Variants in EPHB3 observed in about 807,000 individuals in gnomAD.
EPHB3 encodes the protein EPH receptor B3, also known as ephrin type-B receptor 3.
EPHB3 carries 33 observed loss-of-function variants against 100.2 expected under a neutral mutation model. The observed-to-expected ratio is 0.33, with a 90% CI of 0.25 to 0.44. The LOEUF is 0.44. Ranked by LOEUF, EPHB3 falls within the 20% of genes least tolerant of loss-of-function variation. The pLI, the probability that EPHB3 is intolerant of heterozygous loss-of-function variation, is 1.00. For synonymous variants in EPHB3, 526 were observed against 554.7 expected (o/e 0.95, Z 0.73); for missense variants, 1,045 against 1,378.3 (o/e 0.76, Z 3.83).
rs1039269017 is a variant in EPHB3, at chr3:184,569,600, A to G, written c.119-1718A>G. Among the ~76,000 whole-genome samples the G allele has an allele frequency of 5.9e-5, 9 of 152,006 alleles. No individual in the cohort carries two copies. The highest frequency in any genetic ancestry group is 1.3e-4 in the Non-Finnish European group (9 of 67,984). The stretch of plus-strand genomic sequence containing the variant: ...GCCAGAGGCCAGGATCGCTCCCCTT[A>G]CAGCCGGGCCCTCAGGGGACCAGGG... On this transcript the variant is annotated intron_variant, in intron 1 of 15. Transcript: ENST00000330394. This position sits in a 1 kb window ranked among gnomAD's most constrained non-coding sequence, Gnocchi z 5.4.
Position 184,577,943 on chromosome 3 carries a change from G to A in EPHB3, c.1685G>A (p.Gly562Asp). 1 of 1,614,016 alleles carries A rather than the reference G, an allele frequency of 6.2e-7. No homozygotes were observed. Residue 562 changes from glycine to aspartate, a missense_variant, in exon 8 of 16, where the codon GGC (glycine) becomes GAC (aspartate). Gly to Asp is a moderately conservative substitution (Grantham distance 94). Coordinates refer to ENST00000330394, the MANE Select transcript of EPHB3 (RefSeq NM_004443.4). This position sits in a 1 kb window ranked among gnomAD's most constrained non-coding sequence, Gnocchi z 4.9. ...CAGGAGCAGCTTCCCCTCATCGTGG[G>A]CTCCGCTACAGCTGGGCTTGTCTTC... ...QLQEQLPLIV[G>D]SATAGLVFVV...
Position 184,580,873 on chromosome 3 carries a change from C to T in EPHB3, c.2533C>T (p.Gln845Ter), listed in dbSNP as rs1328272606. 2 of 1,613,598 alleles carry T rather than the reference C, an allele frequency of 1.2e-6. No individual in the cohort carries two copies. The highest frequency in any genetic ancestry group is 1.7e-6 in the Non-Finnish European group (2 of 1,179,670). ...GERPYWDMSN[Q>*]DVINAVEQDY... ...GCGACCCTACTGGGACATGAGCAAC[C>T]AGGATGTGAGTGAGGCTACGCCAGA... The change falls in exon 13 of 16, where the codon CAG becomes TAG. Residue 845 changes from glutamine (Q) to a stop codon, truncating the protein, a stop_gained. Coordinates refer to ENST00000330394, the MANE Select transcript of EPHB3 (RefSeq NM_004443.4). LOFTEE classifies it high-confidence loss of function.
At position 184,577,764 on chromosome 3, in the gene EPHB3, C is replaced by T; in HGVS notation, c.1586C>T (p.Ala529Val). The change falls in exon 7 of 16, where the codon GCT becomes GTT. Residue 529 changes from alanine (A) to valine (V), a missense_variant. Around this residue, in one of 2 missense-constraint regions of EPHB3, gnomAD observed 985 missense variants for 1,331.1 expected, o/e 0.74. Coordinates refer to ENST00000330394, the MANE Select transcript of EPHB3 (RefSeq NM_004443.4). This position sits in a 1 kb window ranked among gnomAD's most constrained non-coding sequence, Gnocchi z 4.9. ...GTCCAGGTCCGTGCCCGCACAGTAG[C>T]TGGCTATGGGCAGTACAGCCGCCCT... ...YVVQVRARTV[A>V]GYGQYSRPAE... 6.2e-7 allele frequency: 1 copy of T among 1,611,384 alleles called. No homozygotes were observed. Among genetic ancestry groups the T allele is most frequent in the Middle Eastern group, 1.7e-4 (1 of 6,050 alleles).
Position 184,573,995 on chromosome 3 carries a change from G to A in EPHB3, c.856+819G>A, listed in dbSNP as rs1006948281. ...CTCCCAAAGCGTTGGGATTACAGGT[G>A]TAAGCCACCACTCCTGGCCCTGGGC... On this transcript the variant is annotated intron_variant, in intron 3 of 15. Transcript: ENST00000330394. This position sits in a 1 kb window ranked among gnomAD's most constrained non-coding sequence, Gnocchi z 4.5. Among the ~76,000 whole-genome samples the A allele has an allele frequency of 1.2e-4, 18 of 152,242 alleles. No homozygotes were observed. Among genetic ancestry groups the A allele is most frequent in the African/African-American group, 3.4e-4 (14 of 41,550 alleles).
Position 184,580,823 on chromosome 3 carries a change from T to C in EPHB3, c.2483T>C (p.Met828Thr), listed in dbSNP as rs771505755. 1.2e-6 allele frequency: 2 copies of C among 1,614,178 alleles called. No homozygotes were observed. Among genetic ancestry groups the C allele is most frequent in the South Asian group, 2.2e-5 (2 of 91,086 alleles). ...ASDVWSYGIV[M>T]WEVMSYGERP... The stretch of plus-strand genomic sequence containing the variant: ...GATGTCTGGAGCTACGGAATTGTCA[T>C]GTGGGAGGTCATGAGCTATGGAGAG... Residue 828 changes from methionine to threonine, a missense_variant, in exon 13 of 16, where the codon ATG becomes ACG. Physicochemically the swap from Met to Thr is moderately conservative, Grantham distance 81. Transcript: ENST00000330394.
rs755126237 is a variant in EPHB3, at chr3:184,573,216, G to A, written c.856+40G>A. The A allele has an allele frequency of 2.5e-6, 4 of 1,603,140 alleles. No individual in the cohort carries two copies. The highest frequency in any genetic ancestry group is 2.2e-5 in the South Asian group (2 of 91,006). On this transcript the variant is annotated intron_variant, in intron 3 of 15. Coordinates refer to ENST00000330394, the MANE Select transcript of EPHB3 (RefSeq NM_004443.4). The surrounding 1 kb of genome is among the most constrained non-coding windows in gnomAD (Gnocchi z 4.5). ...TCCTGGGGAAAGGGTTGTCGGGAGG[G>A]CCTGGGCCACAGCTACCTACCGCCC...
intron 4 of EPHB3, 135 bp downstream of exon 4, chr3:184,576,120 C>T (rs777345071): frequency 2.2e-5 from 28 of 1,252,000 alleles, no homozygotes; most frequent in South Asian, 6.7e-5. Context: ...TTAGATGTTG[C>T]GCTCAACATG....
Position 184,562,423 on chromosome 3 carries a change from G to C in EPHB3, c.118+70G>C. ...TCGCGGGGCTGCGGGCTAGCAGCGTGGGTCCGACCCGGATTGAGCGCACGT... is the reference window on the plus strand; with the variant it reads ...TCGCGGGGCTGCGGGCTAGCAGCGTCGGTCCGACCCGGATTGAGCGCACGT... On this transcript the variant is annotated intron_variant, in intron 1 of 15. Coordinates refer to ENST00000330394, the MANE Select transcript of EPHB3 (RefSeq NM_004443.4). This position sits in a 1 kb window ranked among gnomAD's most constrained non-coding sequence, Gnocchi z 4.8. The C allele has an allele frequency of 8.7e-7, 1 of 1,154,980 alleles. No individual in the cohort carries two copies. The highest frequency in any genetic ancestry group is 4.1e-5 in the South Asian group (1 of 24,274). The allele number at this position is 1,154,980 out of a possible 1,614,324, so 71.5% of individuals were successfully genotyped here.
rs1231900031 is a variant in EPHB3, at chr3:184,572,222, G to A, written c.184-282G>A. 1.3e-5 allele frequency among the ~76,000 whole-genome samples: 2 copies of A among 152,186 alleles called. No individual in the cohort carries two copies. Among genetic ancestry groups the A allele is most frequent in the African/African-American group, 4.8e-5 (2 of 41,444 alleles). ...TCCTGCAGTACTTACCAAGTTCCTAGTCCTGTCCTAAATGCTTTATTCAGT... is the reference window on the plus strand; with the variant it reads ...TCCTGCAGTACTTACCAAGTTCCTAATCCTGTCCTAAATGCTTTATTCAGT... On this transcript the variant is annotated intron_variant, in intron 2 of 15. Coordinates refer to ENST00000330394, the MANE Select transcript of EPHB3 (RefSeq NM_004443.4). This position sits in a 1 kb window ranked among gnomAD's most constrained non-coding sequence, Gnocchi z 6.6.
In EPHB3 at chr3:184,579,042, G is replaced by A. The variant is rs985179032; in HGVS notation, c.1802-435G>A. Among the ~76,000 whole-genome samples, 3 of 152,162 alleles carry A rather than the reference G, an allele frequency of 2.0e-5. No individual in the cohort carries two copies. Among genetic ancestry groups the A allele is most frequent in the African/African-American group, 7.2e-5 (3 of 41,446 alleles). On this transcript the variant is annotated intron_variant, in intron 9 of 15. Coordinates refer to ENST00000330394, the MANE Select transcript of EPHB3 (RefSeq NM_004443.4). This position sits in a 1 kb window ranked among gnomAD's most constrained non-coding sequence, Gnocchi z 5.2. ...CCTGAAAGGCAGGCAGAGGAGTCTGGACTTGACTCCACCATAGGTAATTGG... is the reference window on the plus strand; with the variant it reads ...CCTGAAAGGCAGGCAGAGGAGTCTGAACTTGACTCCACCATAGGTAATTGG...
Position 184,571,261 on chromosome 3 carries a change from C to T in EPHB3, c.119-57C>T. The T allele has an allele frequency of 6.3e-7, 1 of 1,591,966 alleles. No homozygotes were observed. The highest frequency in any genetic ancestry group is 1.1e-5 in the South Asian group (1 of 90,548). On this transcript the variant is annotated intron_variant, in intron 1 of 15. Transcript: ENST00000330394. This position sits in a 1 kb window ranked among gnomAD's most constrained non-coding sequence, Gnocchi z 5.0. ...GAGCCACTTCGCTCATCTGTGATCT[C>T]TTCTGTCTCCTCAACCTGAGATTAG... is the stretch of plus-strand genomic sequence containing the variant.
Position 184,573,237 on chromosome 3 carries a change from C to A in EPHB3, c.856+61C>A. The A allele has an allele frequency of 6.3e-7, 1 of 1,588,966 alleles. No individual in the cohort carries two copies. Among genetic ancestry groups the A allele is most frequent in the South Asian group, 1.1e-5 (1 of 90,214 alleles). ...GAGGGCCTGGGCCACAGCTACCTAC[C>A]GCCCCGCCCCCCACCCCTGCTTGCT... On this transcript the variant is annotated intron_variant, in intron 3 of 15. Transcript: ENST00000330394. The surrounding 1 kb of genome is among the most constrained non-coding windows in gnomAD (Gnocchi z 4.5).
chr3:184,578,271 ACTG>A lies in EPHB3; in HGVS notation c.1749-139_1749-137del, dbSNP rs1353754755. 4.0e-6 allele frequency: 5 copies of A among 1,234,900 alleles called. No individual in the cohort carries two copies. The highest frequency in any genetic ancestry group is 5.7e-6 in the Non-Finnish European group (5 of 871,380). 76.5% of individuals were successfully genotyped at this position (1,234,900 alleles called of 1,614,324 possible). A position where few individuals can be genotyped will look rare whatever the true frequency, so the allele number is the denominator to read the frequency against. On this transcript the variant is annotated intron_variant, in intron 8 of 15. Coordinates refer to ENST00000330394, the MANE Select transcript of EPHB3 (RefSeq NM_004443.4). This position sits in a 1 kb window ranked among gnomAD's most constrained non-coding sequence, Gnocchi z 4.7. ...GAACCCCTTGCTCAGACACCCAGAGACTGCTGTGACCACCAATTGTGGGACTAG... is the reference window on the plus strand; with the variant it reads ...GAACCCCTTGCTCAGACACCCAGAGACTGTGACCACCAATTGTGGGACTAG...
In EPHB3 at chr3:184,580,605, C is replaced by T. The variant is rs762619206; in HGVS notation, c.2376C>T (p.Tyr792=). ...FLEDDPSDPT[Y]TSSLGGKIPI... The stretch of plus-strand genomic sequence containing the variant: ...AGGATGACCCCTCCGATCCTACCTA[C>T]ACCAGTTCCCTGGTACAGGAAGCCG... The change falls in exon 12 of 16, where the codon TAC becomes TAT. Residue 792 remains tyrosine, a synonymous_variant. Transcript: ENST00000330394. The T allele has an allele frequency of 5.6e-6, 9 of 1,613,670 alleles. No individual in the cohort carries two copies. The highest frequency in any genetic ancestry group is 1.7e-4 in the Middle Eastern group (1 of 6,060).
In EPHB3 at chr3:184,561,863, C is replaced by T. The variant is rs1353339654; in HGVS notation, c.-373C>T. ...GGCGCGCGCCCCCGAAGCCCCGGAT[C>T]CCAGTCGGGCCCGCAGCTGACCGCC... On this transcript the variant is annotated 5_prime_UTR_variant, in exon 1 of 16. Transcript: ENST00000330394. 8.5e-5 allele frequency: 13 copies of T among 152,982 alleles called. 1 individual carries two copies. In the Admixed American group the frequency reaches 8.5e-4, roughly 10 times the overall value. The allele number at this position is 152,982 out of a possible 1,614,324, so 9.5% of individuals were successfully genotyped here. A position where few individuals can be genotyped will look rare whatever the true frequency, so the allele number is the denominator to read the frequency against.
intron 1 of EPHB3, among the ~76,000 whole-genome samples, chr3:184,570,603 C>A (rs571316676): frequency 6.6e-6 from 1 of 152,354 alleles, no homozygotes; most frequent in East Asian, 1.9e-4. Context: ...CTCCCCTTCC[C>A]CTGGGCCTTG....
rs1205555683 is a variant in EPHB3, at chr3:184,569,021, G to A, written c.119-2297G>A. Among the ~76,000 whole-genome samples the A allele has an allele frequency of 6.6e-6, 1 of 151,964 alleles. No individual in the cohort carries two copies. The highest frequency in any genetic ancestry group is 2.0e-4 in the East Asian group (1 of 5,118). On this transcript the variant is annotated intron_variant, in intron 1 of 15. Transcript: ENST00000330394. The surrounding 1 kb of genome is among the most constrained non-coding windows in gnomAD (Gnocchi z 5.4). The stretch of plus-strand genomic sequence containing the variant: ...GCTCCCTCCTCCCGGAGCCAGCGCA[G>A]GGCTTGTTTTAAACTGTGGAGGAAT...
At position 184,565,693 on chromosome 3, in the gene EPHB3, G is replaced by T. The variant is rs1714366621; in HGVS notation, c.118+3340G>T. 1.3e-5 allele frequency among the ~76,000 whole-genome samples: 2 copies of T among 152,184 alleles called. No homozygotes were observed. The highest frequency in any genetic ancestry group is 4.8e-5 in the African/African-American group (2 of 41,444). Reference sequence around the variant, plus strand: ...CAGGATTTGGAGGGCTTGCTCACTTGTTTGAGTTGCCTCTGGCACCCCCAA... The same window carrying T: ...CAGGATTTGGAGGGCTTGCTCACTTTTTTGAGTTGCCTCTGGCACCCCCAA... On this transcript the variant is annotated intron_variant, in intron 1 of 15. Transcript: ENST00000330394. This position sits in a 1 kb window ranked among gnomAD's most constrained non-coding sequence, Gnocchi z 4.8.
chr3:184,579,639 C>T lies in EPHB3; in HGVS notation c.1924+40C>T, dbSNP rs995208724. 30 of 1,612,006 alleles carry T rather than the reference C, an allele frequency of 1.9e-5. No individual in the cohort carries two copies. The highest frequency in any genetic ancestry group is 2.3e-5 in the Non-Finnish European group (27 of 1,178,608). ...GCACAGTAGAGATGAGAAGCTGAGG[C>T]GGGCTGGGTACAGGAGTGAGTCATA... is the stretch of plus-strand genomic sequence containing the variant. On this transcript the variant is annotated intron_variant, in intron 10 of 15. Transcript: ENST00000330394. This position sits in a 1 kb window ranked among gnomAD's most constrained non-coding sequence, Gnocchi z 5.2.
Sources: allele counts gnomAD v4.1 joint callset (sites outside exome capture counted in the v4.1 genomes callset), GRCh38; gene constraint gnomAD v4.1.1; regional missense constraint gnomAD v4.1.1; non-coding constraint Gnocchi (gnomAD v3.1); transcripts MANE v1.5; gene names NCBI Gene and HGNC (gene_info 2026-07-23, HGNC 2026-07-21).